GSDME: variants seen among roughly 807,000 people sequenced by gnomAD.
GSDME encodes the protein gasdermin-E.
Under a neutral mutation model 47.5 loss-of-function variants are expected in GSDME, and 44 were observed. That is an observed-to-expected ratio of 0.93 (90% CI 0.73 to 1.19). The LOEUF (loss-of-function observed/expected upper bound fraction) is 1.19. Among genes scored for constraint, GSDME ranks in the 50% most tolerant of loss-of-function variants. The pLI is 0.00. For missense variants in GSDME, 663 were observed against 604.2 expected (o/e 1.10, Z -1.02); for synonymous variants, 258 against 252.8 (o/e 1.02, Z -0.20).
intron 3 of GSDME, among the ~76,000 whole-genome samples, chr7:24,727,437 G>A (rs1323644667): frequency 6.6e-6 from 1 of 152,238 alleles, no homozygotes; most frequent in African/African-American, 2.4e-5. Context: ...AAAAGGTGGT[G>A]GCCAGCCTGC....
At chr7:24,723,372 A>G (rs1215456196) in intron 3 of GSDME, among the ~76,000 whole-genome samples, 1 of 152,098 alleles carries the variant, frequency 6.6e-6, no homozygotes, top group Non-Finnish European at 1.5e-5. Flanking sequence ...CAGACCCAGA[A>G]CAGTTCAAGG....
chr7:24,756,893 G>A lies in GSDME; in HGVS notation c.-20+503C>T, dbSNP rs1207698187. Among the ~76,000 whole-genome samples, 1 of 152,164 alleles carries A rather than the reference G, an allele frequency of 6.6e-6. No homozygotes were observed. Among genetic ancestry groups the A allele is most frequent in the East Asian group, 1.9e-4 (1 of 5,188 alleles). ...TAGATACCGGAGCAAAGTGGAGGGG[G>A]ACTTTTTTCCGTCCAGAGAGACTGA... On this transcript the variant is annotated intron_variant, in intron 1 of 9. Transcript: ENST00000645220. The surrounding 1 kb of genome is among the most constrained non-coding windows in gnomAD (Gnocchi z 4.2).
chr7:24,756,218 G>T lies in GSDME; in HGVS notation c.-20+1178C>A, dbSNP rs1791011808. On this transcript the variant is annotated intron_variant, in intron 1 of 9. Coordinates refer to ENST00000645220, the MANE Select transcript of GSDME (RefSeq NM_001127453.2). The surrounding 1 kb of genome is among the most constrained non-coding windows in gnomAD (Gnocchi z 4.2). Reference sequence around the variant, plus strand: ...AGAGGGCAGTCTGGGTAAGAATAGAGAAGATGCGGTGTGGTGGCAGGCACC... The same window carrying T: ...AGAGGGCAGTCTGGGTAAGAATAGATAAGATGCGGTGTGGTGGCAGGCACC... 1.3e-5 allele frequency among the ~76,000 whole-genome samples: 2 copies of T among 152,208 alleles called. No homozygotes were observed. The highest frequency in any genetic ancestry group is 4.1e-4 in the South Asian group (2 of 4,834).
chr7:24,792,570 T>C, the GSDME span, among the ~76,000 whole-genome samples: 8 of 152,364 alleles, frequency 5.3e-5, no homozygotes, highest in Non-Finnish European at 1.0e-4. Context: ...AATAACTAGA[T>C]GGTCAGCAAT....
chr7:24,771,196 T>C, the GSDME span, among the ~76,000 whole-genome samples: 1 of 151,842 alleles, frequency 6.6e-6, no homozygotes, highest in African/African-American at 2.4e-5. The surrounding 1 kb of genome is among the most constrained non-coding windows in gnomAD (Gnocchi z 4.1). Context: ...AGGAACAAAA[T>C]AAAGGAAAGG....
chr7:24,701,973 C>G (rs1243836852), intron 9 of GSDME, among the ~76,000 whole-genome samples: 2 of 152,240 alleles, frequency 1.3e-5, no homozygotes, highest in Non-Finnish European at 2.9e-5. Context: ...ACCTGCTTCC[C>G]AGATCTGACA....
chr7:24,775,283 A>G, the GSDME span, among the ~76,000 whole-genome samples: 2 of 152,318 alleles, frequency 1.3e-5, no homozygotes, highest in East Asian at 3.9e-4. Flanking sequence ...AAGGTGATGG[A>G]TGTTGATCAT....
chr7:24,776,150 A>G, the GSDME span, among the ~76,000 whole-genome samples: 1 of 141,352 alleles, frequency 7.1e-6, no homozygotes, highest in South Asian at 2.3e-4. Context: ...ATTGCACTCT[A>G]GCCTAGGCAA....
the GSDME span, among the ~76,000 whole-genome samples, chr7:24,787,188 T>C: frequency 6.6e-6 from 1 of 152,180 alleles, no homozygotes; most frequent in Non-Finnish European, 1.5e-5. This position sits in a 1 kb window ranked among gnomAD's most constrained non-coding sequence, Gnocchi z 5.0. Context: ...CGTTGTGGCT[T>C]ACTTAGCATG....
At position 24,757,123 on chromosome 7, in the gene GSDME, G is replaced by A. The variant is rs376686591; in HGVS notation, c.-20+273C>T. Among the ~76,000 whole-genome samples, 2 of 152,322 alleles carry A rather than the reference G, an allele frequency of 1.3e-5. No homozygotes were observed. The highest frequency in any genetic ancestry group is 1.9e-4 in the East Asian group (1 of 5,176). The stretch of plus-strand genomic sequence containing the variant: ...AGCGGGGACGGGGAGAGGATGGGAA[G>A]GGGATGCTGACTGCGAGTTGGGGCG... On this transcript the variant is annotated intron_variant, in intron 1 of 9. Coordinates refer to ENST00000645220, the MANE Select transcript of GSDME (RefSeq NM_001127453.2). This position sits in a 1 kb window ranked among gnomAD's most constrained non-coding sequence, Gnocchi z 5.9.
Position 24,744,828 on chromosome 7 carries a change from C to T in GSDME, c.212-74G>A, listed in dbSNP as rs931607920. 6.5e-6 allele frequency: 10 copies of T among 1,531,350 alleles called. No homozygotes were observed. The highest frequency in any genetic ancestry group is 3.5e-5 in the Admixed American group (2 of 56,882). 94.9% of individuals were successfully genotyped at this position (1,531,350 alleles called of 1,614,324 possible). On this transcript the variant is annotated intron_variant, in intron 2 of 9. Transcript: ENST00000645220. This position sits in a 1 kb window ranked among gnomAD's most constrained non-coding sequence, Gnocchi z 4.5. The stretch of plus-strand genomic sequence containing the variant: ...AAGATGTCTTGGGTCATTTAGCTTT[C>T]CAAGCCTGTGCAGAGCCCCGGAAAG...
Position 24,735,667 on chromosome 7 carries a change from A to G in GSDME, c.404+8895T>C, listed in dbSNP as rs1790281146. Among the ~76,000 whole-genome samples, 1 of 152,094 alleles carries G rather than the reference A, an allele frequency of 6.6e-6. No individual in the cohort carries two copies. Among genetic ancestry groups the G allele is most frequent in the South Asian group, 2.1e-4 (1 of 4,828 alleles). ...CAACTACTCAGGAGGCTGAGGCAGG[A>G]GAATCACTGGAACCTGGGAGGTAGA... On this transcript the variant is annotated intron_variant, in intron 3 of 9. Transcript: ENST00000645220. This position sits in a 1 kb window ranked among gnomAD's most constrained non-coding sequence, Gnocchi z 4.4.
the GSDME span, among the ~76,000 whole-genome samples, chr7:24,778,140 A>C: frequency 6.6e-6 from 1 of 151,724 alleles, no homozygotes; most frequent in Non-Finnish European, 1.5e-5. The surrounding 1 kb of genome is among the most constrained non-coding windows in gnomAD (Gnocchi z 5.6). Context: ...TAGTGGCGTT[A>C]GAATGGATTA....
intron 3 of GSDME, among the ~76,000 whole-genome samples, chr7:24,723,266 G>T (rs1479918138): frequency 6.6e-6 from 1 of 152,132 alleles, no homozygotes; most frequent in Non-Finnish European, 1.5e-5. Context: ...TCTCGGGAGG[G>T]AATTCTTCCC....
At chr7:24,747,532 A>G (rs1218679770) in intron 2 of GSDME, among the ~76,000 whole-genome samples, 1 of 152,250 alleles carries the variant, frequency 6.6e-6, no homozygotes. Flanking sequence ...TAATGTAGCA[A>G]TGAGTAAGTA....
rs1790307628 is a variant in GSDME, at chr7:24,736,392, C to T, written c.404+8170G>A. ...TAACTATATTTATGTCAGACAAAATCGATTTCAAGACAAAAACTATAAGAA... is the reference window on the plus strand; with the variant it reads ...TAACTATATTTATGTCAGACAAAATTGATTTCAAGACAAAAACTATAAGAA... On this transcript the variant is annotated intron_variant, in intron 3 of 9. Coordinates refer to ENST00000645220, the MANE Select transcript of GSDME (RefSeq NM_001127453.2). This position sits in a 1 kb window ranked among gnomAD's most constrained non-coding sequence, Gnocchi z 4.6. 6.6e-6 allele frequency among the ~76,000 whole-genome samples: 1 copy of T among 151,926 alleles called. No individual in the cohort carries two copies. The highest frequency in any genetic ancestry group is 1.5e-5 in the Non-Finnish European group (1 of 67,964).
At chr7:24,773,739 C>T in the GSDME span, among the ~76,000 whole-genome samples, 1 of 152,140 alleles carries the variant, frequency 6.6e-6, no homozygotes, top group African/African-American at 2.4e-5. The surrounding 1 kb of genome is among the most constrained non-coding windows in gnomAD (Gnocchi z 5.4). Flanking sequence ...ATGAACACAT[C>T]CCCTGAAAGA....
Position 24,726,809 on chromosome 7 carries a change from A to C in GSDME, c.405-7591T>G, listed in dbSNP as rs1244085030. Among the ~76,000 whole-genome samples the C allele has an allele frequency of 1.5e-5, 2 of 136,764 alleles. No individual in the cohort carries two copies. Among genetic ancestry groups the C allele is most frequent in the Non-Finnish European group, 3.2e-5 (2 of 62,922 alleles). The allele number at this position is 136,764 out of a possible 152,430, so 89.7% of individuals were successfully genotyped here. A position where few individuals can be genotyped will look rare whatever the true frequency, so the allele number is the denominator to read the frequency against. Reference sequence around the variant, plus strand: ...GGACAGAGCGAGACTCCGTCTCAAAAAAAAAAAAAAAAAACCAATGGCCTC... The same window carrying C: ...GGACAGAGCGAGACTCCGTCTCAAACAAAAAAAAAAAAAACCAATGGCCTC... On this transcript the variant is annotated intron_variant, in intron 3 of 9. Coordinates refer to ENST00000645220, the MANE Select transcript of GSDME (RefSeq NM_001127453.2). This position sits in a 1 kb window ranked among gnomAD's most constrained non-coding sequence, Gnocchi z 5.6.
the GSDME span, among the ~76,000 whole-genome samples, chr7:24,780,561 G>A: frequency 2.6e-5 from 4 of 152,172 alleles, no homozygotes; most frequent in South Asian, 2.1e-4. The surrounding 1 kb of genome is among the most constrained non-coding windows in gnomAD (Gnocchi z 4.1). Flanking sequence ...GGATAGCTTC[G>A]TGGCCTTGCT....
Sources: allele counts gnomAD v4.1 joint callset (sites outside exome capture counted in the v4.1 genomes callset), GRCh38; gene constraint gnomAD v4.1.1; non-coding constraint Gnocchi (gnomAD v3.1); transcripts MANE v1.5; gene names NCBI Gene and HGNC (gene_info 2026-07-23, HGNC 2026-07-21).